KIAA1217: variants seen among roughly 807,000 people sequenced by gnomAD.
KIAA1217 encodes KIAA1217.
KIAA1217 carries 88 observed loss-of-function variants against 163.9 expected under a neutral mutation model. The observed-to-expected ratio is 0.54, with a 90% CI of 0.45 to 0.64. The LOEUF is 0.64. KIAA1217 is among the 30% of genes least tolerant of loss of function. KIAA1217 has a pLI of 0.00. For synonymous variants in KIAA1217, 903 were observed against 923.1 expected, an observed-to-expected ratio of 0.98 and a Z score of 0.39; for missense variants, 2,372 against 2,475.0, an observed-to-expected ratio of 0.96 and a Z score of 0.88.
intron 2 of KIAA1217, among the ~76,000 whole-genome samples, chr10:24,287,722 A>C (rs1489232143): frequency 2.0e-5 from 3 of 152,124 alleles, no homozygotes; most frequent in Non-Finnish European, 4.4e-5. Flanking sequence ...CTTTGCTCAT[A>C]ATTTAACTGA....
chr10:24,366,456 A>C (rs187966530), intron 2 of KIAA1217, among the ~76,000 whole-genome samples: 210 of 152,280 alleles, frequency 1.4e-3, no homozygotes, highest in South Asian at 3.7e-3. Context: ...AAAACTAAAA[A>C]TAAAAATAAA....
intron 2 of KIAA1217, among the ~76,000 whole-genome samples, chr10:24,059,329 C>T (rs896487114): frequency 2.0e-5 from 3 of 152,006 alleles, no homozygotes; most frequent in African/African-American, 2.4e-5. Flanking sequence ...AATATGGGCC[C>T]GCAATTTTCT....
chr10:24,501,726 CTTCTTTTTTTTTTTTTTTTTTTT>C (rs1428629442), intron 9 of KIAA1217, among the ~76,000 whole-genome samples, 181 bp downstream of exon 9: 7 of 111,528 alleles, frequency 6.3e-5, no homozygotes, highest in African/African-American at 1.9e-4. Context: ...TCTATAACCA[CTTCTTTTTTTTTTTTTTTTTTTT>C]TTTTTTTTTT....
In KIAA1217 at chr10:23,771,561, G is replaced by A. The variant is rs545515419; in HGVS notation, c.-321+76327G>A. Among the ~76,000 whole-genome samples, 82 of 152,302 alleles carry A rather than the reference G, an allele frequency of 5.4e-4. 1 individual carries two copies. The highest frequency in any genetic ancestry group is 1.9e-3 in the African/African-American group (78 of 41,564). On this transcript the variant is annotated intron_variant, in intron 1 of 18. Coordinates refer to the KIAA1217 transcript ENST00000376462. ...CTGTACAACAGATAAACTTTTAAATGTTAAGGCACAATAGAATTTTATTGG... is the reference window on the plus strand; with the variant it reads ...CTGTACAACAGATAAACTTTTAAATATTAAGGCACAATAGAATTTTATTGG...
intron 1 of KIAA1217, among the ~76,000 whole-genome samples, chr10:23,903,494 A>T (rs779618168): frequency 6.6e-6 from 1 of 152,150 alleles, no homozygotes; most frequent in Non-Finnish European, 1.5e-5. Context: ...CCTAGATTTG[A>T]TGAAGAGTGG....
intron 2 of KIAA1217, among the ~76,000 whole-genome samples, chr10:24,313,844 T>C (rs889152699): frequency 2.0e-5 from 2 of 100,436 alleles, no homozygotes; most frequent in Non-Finnish European, 4.5e-5. Flanking sequence ...CATCTGGTTG[T>C]TTTTTTTTTT....
chr10:24,536,353 C>G (rs965605574), intron 16 of KIAA1217, among the ~76,000 whole-genome samples: 3 of 152,018 alleles, frequency 2.0e-5, no homozygotes, highest in Admixed American at 6.5e-5. Context: ...TTTAAAACGT[C>G]TTGTGAGCTT....
intron 2 of KIAA1217, among the ~76,000 whole-genome samples, chr10:24,155,215 C>G (rs2064820731): frequency 6.6e-6 from 1 of 152,156 alleles, no homozygotes; most frequent in African/African-American, 2.4e-5. Flanking sequence ...CTGCTCCTGC[C>G]TCCTTTCCTA....
Position 23,736,506 on chromosome 10 carries a change from C to T in KIAA1217, c.-321+41272C>T, listed in dbSNP as rs1037551434. Among the ~76,000 whole-genome samples, 17 of 152,204 alleles carry T rather than the reference C, an allele frequency of 1.1e-4. No individual in the cohort carries two copies. In the South Asian group the frequency reaches 3.1e-3, roughly 28 times the overall value. On this transcript the variant is annotated intron_variant, in intron 1 of 18. Transcript: ENST00000376462. ...GACACTATGGTAATTAATCACTACA[C>T]CTTTGTGATAAGTTGTTGTTTTTTA...
intron 3 of KIAA1217, among the ~76,000 whole-genome samples, chr10:24,407,036 C>T (rs1449926323): frequency 1.3e-5 from 2 of 152,198 alleles, no homozygotes; most frequent in South Asian, 4.1e-4. Context: ...ACCATCGCAG[C>T]TCTGTCATGG....
chr10:24,442,561 G>A (rs1005322954), intron 5 of KIAA1217, among the ~76,000 whole-genome samples: 1 of 152,016 alleles, frequency 6.6e-6, no homozygotes, highest in Non-Finnish European at 1.5e-5. Context: ...GCATTCTGTT[G>A]AAGAAAAAAT....
At chr10:24,424,070 A>AT (rs201595833) in intron 3 of KIAA1217, among the ~76,000 whole-genome samples, 303 of 147,812 alleles carry the variant, frequency 2.0e-3, no homozygotes, top group African/African-American at 6.2e-3. Context: ...GTTATTCCAA[A>AT]TTTTTTTTTT....
chr10:24,278,854 C>CTTTTTTT (rs11288814), intron 2 of KIAA1217, among the ~76,000 whole-genome samples: 6 of 140,844 alleles, frequency 4.3e-5, no homozygotes, highest in Non-Finnish European at 4.6e-5. Context: ...ACTCAGATTA[C>CTTTTTTT]TTTTTTTTTT....
intron 2 of KIAA1217, among the ~76,000 whole-genome samples, chr10:24,262,217 A>G (rs2075790269): frequency 6.6e-6 from 1 of 152,196 alleles, no homozygotes; most frequent in Admixed American, 6.5e-5. Flanking sequence ...AAGGACTTCA[A>G]GGTGAAATAG....
At chr10:23,737,793 C>A (rs1176542314) in intron 1 of KIAA1217, among the ~76,000 whole-genome samples, 2 of 151,652 alleles carry the variant, frequency 1.3e-5, no homozygotes, top group Non-Finnish European at 2.9e-5. Flanking sequence ...AGGTAGAGAA[C>A]TGATTTCAGT....
intron 1 of KIAA1217, among the ~76,000 whole-genome samples, chr10:23,729,629 T>C (rs985676575): frequency 3.9e-5 from 6 of 152,184 alleles, no homozygotes; most frequent in Non-Finnish European, 7.3e-5. Context: ...ATTTTTTAAT[T>C]GGCTTATTTG....
intron 2 of KIAA1217, among the ~76,000 whole-genome samples, chr10:24,068,718 A>T (rs1470584450): frequency 6.6e-6 from 1 of 152,130 alleles, no homozygotes; most frequent in Non-Finnish European, 1.5e-5. Flanking sequence ...TCCAGAGTAT[A>T]TCAGATCTCA....
At chr10:23,839,835 A>G (rs1838683254) in intron 1 of KIAA1217, among the ~76,000 whole-genome samples, 1 of 152,164 alleles carries the variant, frequency 6.6e-6, no homozygotes, top group South Asian at 2.1e-4. Context: ...CCCAGAAATA[A>G]TGCTCCATTA....
intron 2 of KIAA1217, among the ~76,000 whole-genome samples, chr10:24,374,554 AAACT>A (rs1388086962): frequency 6.6e-5 from 10 of 152,242 alleles, no homozygotes; most frequent in African/African-American, 2.2e-4. Flanking sequence ...GATCATAATA[AAACT>A]AACTACAGTT....
Sources: allele counts gnomAD v4.1 joint callset (sites outside exome capture counted in the v4.1 genomes callset), GRCh38; gene constraint gnomAD v4.1.1; transcripts MANE v1.5; gene names NCBI Gene and HGNC (gene_info 2026-07-23, HGNC 2026-07-21).